MAL2: variants seen among roughly 807,000 people sequenced by gnomAD.
The protein encoded by MAL2 is mal, T cell differentiation protein 2, also known as protein MAL2.
Under a neutral mutation model 18.1 loss-of-function variants are expected in MAL2, and 17 were observed. The observed-to-expected ratio is 0.94, with a 90% confidence interval of 0.64 to 1.41. MAL2 has a LOEUF of 1.41. MAL2 is among the 40% of genes most tolerant of loss of function. The pLI is 0.00. For missense variants in MAL2, 222 were observed against 231.9 expected (o/e 0.96, Z 0.28); for synonymous variants, 102 against 102.3 (o/e 1.00, Z 0.02).
intron 1 of MAL2, among the ~76,000 whole-genome samples, chr8:119,218,799 C>G (rs1817407493): frequency 6.6e-6 from 1 of 152,150 alleles, no homozygotes. Flanking sequence ...TTATGTTTAT[C>G]TATTTGGCTC....
At chr8:119,212,198 A>T (rs1431658013) in intron 1 of MAL2, among the ~76,000 whole-genome samples, 1 of 152,228 alleles carries the variant, frequency 6.6e-6, no homozygotes. Flanking sequence ...CCTGCTCTCA[A>T]TGAGCTTATC....
intron 1 of MAL2, among the ~76,000 whole-genome samples, chr8:119,220,376 C>T (rs1287545159): frequency 1.3e-5 from 2 of 152,142 alleles, no homozygotes; most frequent in African/African-American, 4.8e-5. Context: ...CCTGTGTTAC[C>T]CAATGTTTGT....
intron 2 of MAL2, among the ~76,000 whole-genome samples, chr8:119,238,313 G>A (rs540929142): frequency 0.014 from 2,181 of 152,050 alleles, 55 homozygotes; most frequent in African/African-American, 0.051. Flanking sequence ...CATGCTCATG[G>A]GTAGGAAGAA....
At chr8:119,233,981 C>A (rs187987290) in intron 2 of MAL2, among the ~76,000 whole-genome samples, 1 of 152,280 alleles carries the variant, frequency 6.6e-6, no homozygotes, top group East Asian at 1.9e-4. Flanking sequence ...AGGAACAGCT[C>A]CAGTCTACAG....
At chr8:119,240,951 AATAAT>A (rs984796983) in intron 3 of MAL2, among the ~76,000 whole-genome samples, 1 of 152,082 alleles carries the variant, frequency 6.6e-6, no homozygotes, top group African/African-American at 2.4e-5. Context: ...AATTTGAGGA[AATAAT>A]ATATTATTTT....
intron 2 of MAL2, among the ~76,000 whole-genome samples, chr8:119,234,367 C>G (rs947454310): frequency 6.6e-6 from 1 of 152,154 alleles, no homozygotes; most frequent in Non-Finnish European, 1.5e-5. Context: ...TGCAAGGCGG[C>G]AACAAGGCTG....
chr8:119,241,475 A>AC (rs1243057364), intron 3 of MAL2, among the ~76,000 whole-genome samples: 1 of 140,980 alleles, frequency 7.1e-6, no homozygotes, highest in Non-Finnish European at 1.5e-5. Flanking sequence ...TGAGCGACAG[A>AC]CCAAGACTCT....
intron 2 of MAL2, among the ~76,000 whole-genome samples, chr8:119,237,571 A>C (rs1817935727): frequency 6.6e-6 from 1 of 151,766 alleles, no homozygotes; most frequent in African/African-American, 2.4e-5. Flanking sequence ...CCAGCAGCAC[A>C]TCAAAAAGCT....
At chr8:119,231,205 TGTATTTTTA>T (rs1221534674) in intron 2 of MAL2, among the ~76,000 whole-genome samples, 2 of 152,142 alleles carry the variant, frequency 1.3e-5, no homozygotes, top group African/African-American at 2.4e-5. Context: ...CTAATCTTTT[TGTATTTTTA>T]GTAGAGACAG....
intron 2 of MAL2, among the ~76,000 whole-genome samples, chr8:119,224,507 T>G (rs541945010): frequency 6.6e-6 from 1 of 152,246 alleles, no homozygotes; most frequent in Non-Finnish European, 1.5e-5. Context: ...ATCATTTGCC[T>G]ATTATGGACA....
At chr8:119,241,214 A>C (rs1818041001) in intron 3 of MAL2, among the ~76,000 whole-genome samples, 2 of 152,192 alleles carry the variant, frequency 1.3e-5, no homozygotes, top group Admixed American at 1.3e-4. Context: ...CACTGGCTTC[A>C]TGTGGCTATT....
At chr8:119,224,658 G>A (rs1399504225) in intron 2 of MAL2, among the ~76,000 whole-genome samples, 1 of 151,950 alleles carries the variant, frequency 6.6e-6, no homozygotes, top group Non-Finnish European at 1.5e-5. Flanking sequence ...AGTATACATT[G>A]TACCCAACAT....
chr8:119,228,908 T>G (rs1817650724), intron 2 of MAL2, among the ~76,000 whole-genome samples: 1 of 152,150 alleles, frequency 6.6e-6, no homozygotes, highest in African/African-American at 2.4e-5. Context: ...GATAATCCCT[T>G]ATCAGGAGCT....
In MAL2 at chr8:119,208,467, G is replaced by A. The variant is rs1209030662; in HGVS notation, c.-6G>A. ...CGCGCGGAGACGCAGCAGCGGCAGC[G>A]GCAGCATGTCGGCCGGCGGAGCGTC... is the stretch of plus-strand genomic sequence containing the variant. On this transcript the variant is annotated 5_prime_UTR_variant, in exon 1 of 4. Coordinates refer to ENST00000614891, the MANE Select transcript of MAL2 (RefSeq NM_052886.3). The surrounding 1 kb of genome is among the most constrained non-coding windows in gnomAD (Gnocchi z 4.3). 2 of 1,250,996 alleles carry A rather than the reference G, an allele frequency of 1.6e-6. No homozygotes were observed. Among genetic ancestry groups the A allele is most frequent in the Non-Finnish European group, 2.0e-6 (2 of 997,192 alleles). The allele number at this position is 1,250,996 out of a possible 1,614,324, so 77.5% of individuals were successfully genotyped here.
chr8:119,241,113 A>T (rs1480290979), intron 3 of MAL2, among the ~76,000 whole-genome samples: 1 of 152,194 alleles, frequency 6.6e-6, no homozygotes, highest in Non-Finnish European at 1.5e-5. Context: ...GTACTCATAT[A>T]GTCATTGAAA....
intron 2 of MAL2, among the ~76,000 whole-genome samples, chr8:119,225,327 G>A (rs1405719006): frequency 1.3e-5 from 2 of 151,106 alleles, no homozygotes; most frequent in Non-Finnish European, 2.9e-5. Context: ...GTGTCCATGT[G>A]TTCTCATTGT....
intron 2 of MAL2, among the ~76,000 whole-genome samples, chr8:119,238,042 G>T (rs1249599123): frequency 1.3e-5 from 2 of 152,200 alleles, no homozygotes; most frequent in African/African-American, 2.4e-5. Flanking sequence ...AAACCCCATT[G>T]TCTCAGCCCA....
intron 1 of MAL2, among the ~76,000 whole-genome samples, chr8:119,216,417 T>G (rs1587120251): frequency 6.6e-6 from 1 of 152,298 alleles, no homozygotes; most frequent in East Asian, 1.9e-4. Context: ...GATTTGTACC[T>G]CAATTAACTT....
chr8:119,239,077 C>T (rs1373008353), intron 2 of MAL2, among the ~76,000 whole-genome samples: 4 of 151,190 alleles, frequency 2.6e-5, no homozygotes, highest in African/African-American at 9.7e-5. Context: ...AACAAATTTA[C>T]AAGAAAAAAA....
Sources: gnomAD v4.1 joint callset for allele counts (sites outside exome capture counted in the v4.1 genomes callset) on GRCh38, gnomAD v4.1.1 for gene constraint, Gnocchi (gnomAD v3.1) non-coding constraint, MANE v1.5 for transcripts, NCBI Gene and HGNC (gene_info 2026-07-23, HGNC 2026-07-21) for gene names.